The following HEATR4 variants were observed in gnomAD, a reference collection of about 807,000 sequenced individuals.
HEATR4 encodes HEAT repeat containing 4, also known as HEAT repeat-containing protein 4.
Under a neutral mutation model 108.8 loss-of-function variants are expected in HEATR4, and 95 were observed. The ratio of observed to expected loss-of-function variants is 0.87; its 90% CI spans 0.74 to 1.04. The LOEUF (loss-of-function observed/expected upper bound fraction) is 1.04, where lower values mean the gene tolerates loss of function less well. Ranked by LOEUF, HEATR4 falls within the 50% of genes least tolerant of loss-of-function variation. The pLI is 0.00. For synonymous variants in HEATR4, 443 were observed against 459.4 expected (o/e 0.96, Z 0.46); for missense variants, 1,152 against 1,253.8 (o/e 0.92, Z 1.23).
intron 2 of HEATR4, chr14:73,528,843 G>A (rs1251022643): frequency 1.3e-5 from 2 of 152,162 alleles, no homozygotes; most frequent in Non-Finnish European, 2.9e-5. Context: ...TGAGCGCTTC[G>A]GGAAGAATTT....
At chr14:73,590,796 G>A in the HEATR4 span, among the ~76,000 whole-genome samples, 1 of 151,808 alleles carries the variant, frequency 6.6e-6, no homozygotes, top group African/African-American at 2.4e-5. Flanking sequence ...GGGCAGCCCC[G>A]GTTCCCGCCC....
At chr14:73,496,439 A>G (rs1484538542) in intron 15 of HEATR4, among the ~76,000 whole-genome samples, 162 bp downstream of exon 15, 1 of 152,196 alleles carries the variant, frequency 6.6e-6, no homozygotes, top group African/African-American at 2.4e-5. Flanking sequence ...AATCTTGCAC[A>G]GATGCTTTGC....
chr14:73,594,582 A>T, the HEATR4 span, among the ~76,000 whole-genome samples: 687 of 152,344 alleles, frequency 4.5e-3, 5 homozygotes, highest in African/African-American at 0.015. Context: ...CTCCCCTGTC[A>T]GCTGAGGTTG....
chr14:73,629,704 G>T, the HEATR4 span, among the ~76,000 whole-genome samples: 2 of 151,788 alleles, frequency 1.3e-5, no homozygotes, highest in African/African-American at 4.8e-5. Flanking sequence ...GAGTGCAGTG[G>T]TGCAATCTCA....
At chr14:73,615,410 A>AC in the HEATR4 span, among the ~76,000 whole-genome samples, 9 of 85,134 alleles carry the variant, frequency 1.1e-4, no homozygotes, top group African/African-American at 2.5e-4. Context: ...AAAAAAAACA[A>AC]AAAACAAAAA....
intron 6 of HEATR4, among the ~76,000 whole-genome samples, chr14:73,513,357 G>T (rs1887381963): frequency 6.6e-6 from 1 of 152,118 alleles, no homozygotes; most frequent in Non-Finnish European, 1.5e-5. Context: ...TACTTGGGAG[G>T]CTGAGGCAGG....
chr14:73,564,162 G>A, the HEATR4 span, among the ~76,000 whole-genome samples: 1 of 151,766 alleles, frequency 6.6e-6, no homozygotes. Flanking sequence ...GCTGGCCGTG[G>A]TGGCATGTGA....
chr14:73,494,606 A>T (rs1885986567), intron 16 of HEATR4, among the ~76,000 whole-genome samples: 1 of 152,166 alleles, frequency 6.6e-6, no homozygotes, highest in Admixed American at 6.6e-5. Context: ...GCTGGGGTAC[A>T]GTGGTGAGAT....
the HEATR4 span, among the ~76,000 whole-genome samples, chr14:73,580,348 C>T: frequency 6.6e-6 from 1 of 152,032 alleles, no homozygotes; most frequent in Non-Finnish European, 1.5e-5. Context: ...TGGTCTCGAA[C>T]TCCTGGCCTC....
chr14:73,621,218 A>G, the HEATR4 span, among the ~76,000 whole-genome samples: 5 of 135,366 alleles, frequency 3.7e-5, no homozygotes, highest in Admixed American at 2.5e-4. Context: ...TGTCTCAAAA[A>G]ACACTTGTCT....
At chr14:73,579,811 G>T in the HEATR4 span, among the ~76,000 whole-genome samples, 1 of 151,910 alleles carries the variant, frequency 6.6e-6, no homozygotes, top group Non-Finnish European at 1.5e-5. Context: ...GTATAACATG[G>T]ACCAGGCACG....
chr14:73,628,055 C>T, the HEATR4 span, among the ~76,000 whole-genome samples: 8 of 151,798 alleles, frequency 5.3e-5, no homozygotes, highest in African/African-American at 1.5e-4. Flanking sequence ...GTGATCTGCC[C>T]GCCTTGGCCT....
chr14:73,589,940 C>T, the HEATR4 span, among the ~76,000 whole-genome samples: 2 of 152,242 alleles, frequency 1.3e-5, no homozygotes, highest in East Asian at 1.9e-4. Flanking sequence ...TTGTTCGTTC[C>T]TCCTGGTGAG....
chr14:73,621,328 G>A, the HEATR4 span, among the ~76,000 whole-genome samples: 1 of 152,162 alleles, frequency 6.6e-6, no homozygotes, highest in Non-Finnish European at 1.5e-5. Context: ...TTGCCTGCCT[G>A]GAGGAATGCC....
chr14:73,524,337 T>TATA, intron 2 of HEATR4, among the ~76,000 whole-genome samples: 1 of 116,798 alleles, frequency 8.6e-6, no homozygotes, highest in Non-Finnish European at 1.8e-5. Flanking sequence ...ATATATATAT[T>TATA]ATAGCTGTAA....
chr14:73,519,170 A>G lies in HEATR4; in HGVS notation c.1070-7T>C. 6.2e-7 allele frequency: 1 copy of G among 1,609,394 alleles called. No individual in the cohort carries two copies. The highest frequency in any genetic ancestry group is 1.3e-5 in the African/African-American group (1 of 74,784). On this transcript the variant is annotated splice_polypyrimidine_tract_variant and splice_region_variant and intron_variant, in intron 4 of 17. Coordinates refer to ENST00000553558, the MANE Select transcript of HEATR4 (RefSeq NM_001220484.1). The stretch of plus-strand genomic sequence containing the variant: ...TGGATGATCTGGACTTCATCTGTGA[A>G]CAGACAAAGAAACAATGAGTCCCCT...
upstream of HEATR4, among the ~76,000 whole-genome samples, chr14:73,562,308 T>G (rs1365171795): frequency 6.6e-6 from 1 of 152,128 alleles, no homozygotes; most frequent in African/African-American, 2.4e-5. Context: ...ACTTTTATAA[T>G]TTCTTATGCC....
the HEATR4 span, among the ~76,000 whole-genome samples, chr14:73,584,120 T>C: frequency 6.6e-6 from 1 of 151,674 alleles, no homozygotes; most frequent in African/African-American, 2.4e-5. Flanking sequence ...CATGCTCACT[T>C]CCGAAAGGTA....
upstream of HEATR4, among the ~76,000 whole-genome samples, chr14:73,560,983 G>C (rs1031337092): frequency 6.6e-6 from 1 of 152,016 alleles, no homozygotes; most frequent in Non-Finnish European, 1.5e-5. Flanking sequence ...ATAGCCAAAC[G>C]GTGGAAAGAA....
Sources: gnomAD v4.1 joint callset for allele counts (sites outside exome capture counted in the v4.1 genomes callset) on GRCh38, gnomAD v4.1.1 for gene constraint, MANE v1.5 for transcripts, NCBI Gene and HGNC (gene_info 2026-07-23, HGNC 2026-07-21) for gene names.